Variants in ITGB8 observed in about 807,000 individuals in gnomAD.
ITGB8 encodes the protein integrin beta-8.
A neutral mutation model predicts 89.5 loss-of-function variants in ITGB8; 30 were observed. That is an observed-to-expected ratio of 0.34 (90% CI 0.25 to 0.45). The LOEUF is 0.45. ITGB8 is among the 20% of genes least tolerant of loss of function. The pLI is 1.00. For missense variants in ITGB8, 836 were observed against 933.3 expected (o/e 0.90, Z 1.36); for synonymous variants, 335 against 320.4 (o/e 1.05, Z -0.49).
intron 2 of ITGB8, chr7:20,366,007 G>A (rs1325124414): frequency 6.6e-6 from 1 of 152,018 alleles, no homozygotes; most frequent in Non-Finnish European, 1.5e-5. Flanking sequence ...ATTTAGACAG[G>A]ATGTATCCAG....
chr7:20,352,617 A>C (rs1583479763), intron 1 of ITGB8: 1 of 152,164 alleles, frequency 6.6e-6, no homozygotes, highest in Non-Finnish European at 1.5e-5. Flanking sequence ...ATCCTTCAAA[A>C]CCAGCCTCAA....
intron 1 of ITGB8, among the ~76,000 whole-genome samples, chr7:20,339,959 C>T (rs781674796): frequency 7.2e-5 from 11 of 152,020 alleles, no homozygotes; most frequent in Non-Finnish European, 1.3e-4. Context: ...ACCCGGGAGG[C>T]GGAGGTTGCA....
chr7:20,357,870 T>G (rs1785352158), intron 1 of ITGB8, among the ~76,000 whole-genome samples: 1 of 152,224 alleles, frequency 6.6e-6, no homozygotes, highest in African/African-American at 2.4e-5. Context: ...ATAGAATTAC[T>G]TAGAATATAC....
At chr7:20,394,390 G>A (rs1256373426) in intron 7 of ITGB8, among the ~76,000 whole-genome samples, 6 of 152,182 alleles carry the variant, frequency 3.9e-5, no homozygotes, top group Non-Finnish European at 8.8e-5. Context: ...GTTTCCACTT[G>A]TGACTATGAT....
rs779561129 is a variant in ITGB8 at position 20,399,055 on chromosome 7, C to A, written c.1281+61C>A. ...CTAAGTTGTTTGGCGTACTTTCTTA[C>A]AGAAAAAGCAAACCATTCTGAAAAA... On this transcript the variant is annotated intron_variant, in intron 9 of 13. Coordinates refer to ENST00000222573, the MANE Select transcript of ITGB8 (RefSeq NM_002214.3). The A allele has an allele frequency of 3.9e-6, 6 of 1,532,546 alleles. No homozygotes were observed. In the African/African-American group the frequency reaches 8.4e-5, roughly 21 times the overall value. 94.9% of individuals were successfully genotyped at this position (1,532,546 alleles called of 1,614,324 possible).
intron 1 of ITGB8, among the ~76,000 whole-genome samples, chr7:20,338,457 A>G (rs1414201849): frequency 6.6e-6 from 1 of 151,862 alleles, no homozygotes; most frequent in Non-Finnish European, 1.5e-5. Flanking sequence ...AGTAAAGACC[A>G]GCCCGTCTTT....
intron 1 of ITGB8, among the ~76,000 whole-genome samples, chr7:20,338,621 G>A (rs1413772983): frequency 6.6e-6 from 1 of 152,004 alleles, no homozygotes; most frequent in African/African-American, 2.4e-5. Context: ...GAGCAAGATT[G>A]CATCTCAAAA....
upstream of ITGB8, among the ~76,000 whole-genome samples, chr7:20,329,942 C>T (rs1784319226): frequency 6.6e-6 from 1 of 152,202 alleles, no homozygotes; most frequent in Non-Finnish European, 1.5e-5. Flanking sequence ...CCGCACCCTA[C>T]TTGCACCTAA....
At chr7:20,355,029 C>T (rs980674000) in intron 1 of ITGB8, among the ~76,000 whole-genome samples, 2 of 152,186 alleles carry the variant, frequency 1.3e-5, no homozygotes, top group Non-Finnish European at 2.9e-5. Flanking sequence ...AGGGCTGGTG[C>T]ACCCATCCCC....
At chr7:20,361,413 T>C (rs1785499783) in intron 1 of ITGB8, among the ~76,000 whole-genome samples, 1 of 152,236 alleles carries the variant, frequency 6.6e-6, no homozygotes, top group Non-Finnish European at 1.5e-5. Flanking sequence ...CTTACAGCTC[T>C]GGAGGCTGGG....
intron 1 of ITGB8, among the ~76,000 whole-genome samples, chr7:20,344,782 AAGAG>A (rs1353042978): frequency 2.6e-5 from 4 of 152,186 alleles, no homozygotes; most frequent in Admixed American, 1.3e-4. Flanking sequence ...AGTAAACAGA[AAGAG>A]AGAGAGCACA....
intron 1 of ITGB8, among the ~76,000 whole-genome samples, chr7:20,339,914 G>A (rs1419917354): frequency 6.6e-6 from 1 of 152,188 alleles, no homozygotes; most frequent in Non-Finnish European, 1.5e-5. Flanking sequence ...TGTAATCCCA[G>A]CTACTTGGGA....
upstream of ITGB8, chr7:20,329,846 G>A (rs1015722755): frequency 1.3e-5 from 2 of 152,122 alleles, no homozygotes; most frequent in African/African-American, 4.8e-5. Flanking sequence ...CCAATGCGGG[G>A]GACTGAGTTC....
chr7:20,350,395 G>T (rs928630615), intron 1 of ITGB8, among the ~76,000 whole-genome samples: 2 of 152,160 alleles, frequency 1.3e-5, no homozygotes, highest in Non-Finnish European at 2.9e-5. Context: ...TGATCTGCCC[G>T]CCTCTGCCTC....
At chr7:20,369,921 A>G (rs538489487) in intron 3 of ITGB8, among the ~76,000 whole-genome samples, 12 of 152,220 alleles carry the variant, frequency 7.9e-5, no homozygotes, top group Middle Eastern at 3.4e-3. Flanking sequence ...ACACTTCAAA[A>G]TATACAGGTT....
At chr7:20,380,312 T>C (rs1433181767) in intron 4 of ITGB8, 1 of 170,910 alleles carries the variant, frequency 5.9e-6, no homozygotes, top group Non-Finnish European at 1.2e-5. Flanking sequence ...TCCAGAAGTG[T>C]TTCTCAGCTG....
chr7:20,390,177 G>C (rs1381153091), intron 6 of ITGB8, among the ~76,000 whole-genome samples: 1 of 152,142 alleles, frequency 6.6e-6, no homozygotes, highest in African/African-American at 2.4e-5. Flanking sequence ...ACATTGGAGA[G>C]TGCAGTGGGA....
chr7:20,349,136 A>C (rs1370103087), intron 1 of ITGB8, among the ~76,000 whole-genome samples: 1 of 152,190 alleles, frequency 6.6e-6, no homozygotes, highest in South Asian at 2.1e-4. Context: ...TATAAGATAC[A>C]GTTAACACAT....
intron 1 of ITGB8, among the ~76,000 whole-genome samples, chr7:20,337,169 A>G (rs988456622): frequency 2.0e-5 from 3 of 152,232 alleles, no homozygotes; most frequent in African/African-American, 7.2e-5. Context: ...TAAAATATAA[A>G]AAGTAATCCT....
Sources: allele counts gnomAD v4.1 joint callset (sites outside exome capture counted in the v4.1 genomes callset), GRCh38; gene constraint gnomAD v4.1.1; transcripts MANE v1.5; gene names NCBI Gene and HGNC (gene_info 2026-07-23, HGNC 2026-07-21).